The following ADAMTS19 variants were observed in gnomAD, a reference collection of about 807,000 sequenced individuals.
ADAMTS19 encodes ADAM metallopeptidase with thrombospondin type 1 motif 19, also known as A disintegrin and metalloproteinase with thrombospondin motifs 19.
Under a neutral mutation model 153.3 loss-of-function variants are expected in ADAMTS19, and 93 were observed. The ratio of observed to expected loss-of-function variants is 0.61; its 90% CI spans 0.51 to 0.72. The LOEUF (loss-of-function observed/expected upper bound fraction) is 0.72. Among genes scored for constraint, ADAMTS19 ranks in the 30% least tolerant of loss-of-function variants. The probability of loss-of-function intolerance (pLI) is 0.00; values close to 1 mark genes in which losing one functional copy is unlikely to be tolerated. For synonymous variants in ADAMTS19, 600 were observed against 556.6 expected (o/e 1.08, Z -1.10); for missense variants, 1,482 against 1,552.1 (o/e 0.95, Z 0.76).
At chr5:129,479,909 G>A (rs1265835682) in intron 2 of ADAMTS19, among the ~76,000 whole-genome samples, 1 of 151,962 alleles carries the variant, frequency 6.6e-6, no homozygotes, top group African/African-American at 2.4e-5. Flanking sequence ...TATAGATTTG[G>A]TACACTCATT....
intron 21 of ADAMTS19, among the ~76,000 whole-genome samples, chr5:129,720,047 TA>T (rs1756915211): frequency 6.6e-6 from 1 of 151,532 alleles, no homozygotes; most frequent in African/African-American, 2.4e-5. Context: ...TAGAAATAAA[TA>T]AATAAAATTA....
At chr5:129,511,564 C>A (rs1448569401) in intron 3 of ADAMTS19, among the ~76,000 whole-genome samples, 1 of 151,454 alleles carries the variant, frequency 6.6e-6, no homozygotes, top group Non-Finnish European at 1.5e-5. Flanking sequence ...ATTATTTTAA[C>A]AAACTGGTAA....
rs1413966892 is a variant in ADAMTS19 at position 129,701,554 on chromosome 5, G to A, written c.3121G>A (p.Asp1041Asn). 1 of 1,614,078 alleles carries A rather than the reference G, an allele frequency of 6.2e-7. No homozygotes were observed. The highest frequency in any genetic ancestry group is 8.5e-7 in the Non-Finnish European group (1 of 1,180,044). ...CTCTGCCCAGCGCTGTGAGGGCCAG[G>A]ACTGCATGACCGTGTGGGAGGCGGG... The part of the protein sequence containing the change: ...PASAQRCEGQ[D>N]CMTVWEAGVW... Residue 1041 changes from aspartate (D) to asparagine (N), a missense_variant, in exon 20 of 23, where the codon GAC becomes AAC. Asp to Asn is a conservative substitution (Grantham distance 23). Around this residue, in one of 2 missense-constraint regions of ADAMTS19, gnomAD observed 616 missense variants for 724.4 expected, o/e 0.85. Coordinates refer to ENST00000274487, the MANE Select transcript of ADAMTS19 (RefSeq NM_133638.6).
intron 3 of ADAMTS19, among the ~76,000 whole-genome samples, chr5:129,510,381 A>C (rs1751398807): frequency 6.6e-6 from 1 of 151,870 alleles, no homozygotes; most frequent in Non-Finnish European, 1.5e-5. Context: ...GTAAAAAGTC[A>C]TGATGTCAGT....
At chr5:129,726,984 C>T (rs1757236135) in intron 21 of ADAMTS19, among the ~76,000 whole-genome samples, 1 of 152,078 alleles carries the variant, frequency 6.6e-6, no homozygotes, top group African/African-American at 2.4e-5. Flanking sequence ...TATTACATCC[C>T]AGTCTCCAGA....
chr5:129,534,036 AGGTGT>A (rs1166999971), intron 6 of ADAMTS19, among the ~76,000 whole-genome samples: 2 of 152,070 alleles, frequency 1.3e-5, no homozygotes, highest in African/African-American at 4.8e-5. Context: ...ATTTTGGAAC[AGGTGT>A]GGTGTGGTGC....
intron 8 of ADAMTS19, among the ~76,000 whole-genome samples, chr5:129,604,624 A>G (rs1750806782): frequency 6.6e-6 from 1 of 152,220 alleles, no homozygotes; most frequent in South Asian, 2.1e-4. Flanking sequence ...TATATATCAA[A>G]TAAGTGAATG....
intron 8 of ADAMTS19, among the ~76,000 whole-genome samples, chr5:129,597,730 C>T (rs562366979): frequency 6.6e-6 from 1 of 151,844 alleles, no homozygotes; most frequent in East Asian, 1.9e-4. Context: ...CATGAAACCC[C>T]GTCTCTACTA....
chr5:129,548,212 A>C (rs1339596362), intron 6 of ADAMTS19, among the ~76,000 whole-genome samples: 1 of 150,114 alleles, frequency 6.7e-6, no homozygotes, highest in Non-Finnish European at 1.5e-5. Flanking sequence ...GCACAGCAAA[A>C]GAAACTACCA....
At chr5:129,731,267 A>C (rs1324657886) in intron 21 of ADAMTS19, among the ~76,000 whole-genome samples, 1 of 152,064 alleles carries the variant, frequency 6.6e-6, no homozygotes, top group Admixed American at 6.6e-5. Context: ...CTAAGATACA[A>C]TTTTGTAAAA....
intron 8 of ADAMTS19, among the ~76,000 whole-genome samples, chr5:129,602,026 GT>G (rs1320691790): frequency 6.6e-6 from 1 of 152,222 alleles, no homozygotes; most frequent in Non-Finnish European, 1.5e-5. Context: ...GGACTAAATA[GT>G]TCTTTGGAAT....
chr5:129,596,060 T>A (rs1750360707), intron 7 of ADAMTS19, among the ~76,000 whole-genome samples: 2 of 152,030 alleles, frequency 1.3e-5, no homozygotes, highest in African/African-American at 4.8e-5. Context: ...CTCTATGCCA[T>A]ATTAGTTAAC....
At chr5:129,580,553 G>C (rs988477348) in intron 7 of ADAMTS19, among the ~76,000 whole-genome samples, 3 of 152,152 alleles carry the variant, frequency 2.0e-5, no homozygotes, top group Non-Finnish European at 4.4e-5. Context: ...CATTCACTAT[G>C]ATATTGGCAG....
intron 3 of ADAMTS19, among the ~76,000 whole-genome samples, chr5:129,521,665 T>C (rs1751804809): frequency 6.6e-6 from 1 of 152,068 alleles, no homozygotes; most frequent in African/African-American, 2.4e-5. Flanking sequence ...GCCTATAGGA[T>C]GAAGGAAGGA....
intron 3 of ADAMTS19, among the ~76,000 whole-genome samples, chr5:129,522,332 C>CACACACACACACACACACAT (rs1309115957): frequency 6.8e-5 from 4 of 58,618 alleles, no homozygotes; most frequent in African/African-American, 3.6e-4. Flanking sequence ...CACACACACA[C>CACACACACACACACACACAT]ATATATATAT....
rs1474096002 is a variant in ADAMTS19 at position 129,684,270 on chromosome 5, G to A, written c.2815G>A (p.Gly939Arg). Reference sequence around the variant, plus strand: ...GGAAGATTGCGATGCCACTTGTGGAGGAGGTGAAGGATTTTTAAACATTTA... The same window carrying A: ...GGAAGATTGCGATGCCACTTGTGGAAGAGGTGAAGGATTTTTAAACATTTA... ...SWEDCDATCG[G>R]GERKTTVSCT... The change falls in exon 18 of 23, where the codon GGA becomes AGA. Residue 939 changes from glycine (G) to arginine (R), a missense_variant. Transcript: ENST00000274487. 1.2e-6 allele frequency: 2 copies of A among 1,613,576 alleles called. No homozygotes were observed. Among genetic ancestry groups the A allele is most frequent in the East Asian group, 2.2e-5 (1 of 44,874 alleles).
chr5:129,506,730 A>T (rs560658738), intron 2 of ADAMTS19, among the ~76,000 whole-genome samples: 1 of 152,018 alleles, frequency 6.6e-6, no homozygotes, highest in South Asian at 2.1e-4. Context: ...CCTGTACTCA[A>T]ATGTTTGGAT....
At chr5:129,554,188 C>T (rs1441618205) in intron 7 of ADAMTS19, among the ~76,000 whole-genome samples, 1 of 152,024 alleles carries the variant, frequency 6.6e-6, no homozygotes, top group Non-Finnish European at 1.5e-5. Context: ...GAACCAATCC[C>T]CCATGGATAC....
At chr5:129,710,991 T>C (rs1479776359) in intron 21 of ADAMTS19, among the ~76,000 whole-genome samples, 1 of 152,186 alleles carries the variant, frequency 6.6e-6, no homozygotes, top group Non-Finnish European at 1.5e-5. Context: ...CTTAGGACTA[T>C]GGATTCCAAC....
Sources: gnomAD v4.1 joint callset for allele counts (sites outside exome capture counted in the v4.1 genomes callset) on GRCh38, gnomAD v4.1.1 for gene constraint, gnomAD v4.1.1 regional missense constraint, MANE v1.5 for transcripts, NCBI Gene and HGNC (gene_info 2026-07-23, HGNC 2026-07-21) for gene names.